ADAMTSL1: variants seen among roughly 807,000 people sequenced by gnomAD.
The protein encoded by ADAMTSL1 is ADAMTS-like protein 1.
ADAMTSL1 carries 126 observed loss-of-function variants against 201.8 expected under a neutral mutation model. The ratio of observed to expected loss-of-function variants is 0.62; its 90% CI spans 0.54 to 0.72. ADAMTSL1 has a LOEUF of 0.72. ADAMTSL1 is among the 30% of genes least tolerant of loss of function. The pLI is 0.00. For synonymous variants in ADAMTSL1, 1,121 were observed against 903.4 expected (o/e 1.24, Z -4.32); for missense variants, 2,679 against 2,277.8 (o/e 1.18, Z -3.59).
intron 2 of ADAMTSL1, among the ~76,000 whole-genome samples, chr9:18,408,269 G>A (rs892794513): frequency 6.6e-6 from 1 of 152,156 alleles, no homozygotes; most frequent in African/African-American, 2.4e-5. Context: ...AGAAGTTTGA[G>A]ACCAACCTGG....
chr9:18,659,870 A>G lies in ADAMTSL1; in HGVS notation c.947-2065A>G, dbSNP rs1227465962. ...CATTATTTTGATATTTTTACTAATG[A>G]CTGGCATAGGAAATAGTTTCAAGGA... On this transcript the variant is annotated intron_variant, in intron 8 of 28. Coordinates refer to ENST00000380548, the MANE Select transcript of ADAMTSL1 (RefSeq NM_001040272.6). 6.6e-5 allele frequency among the ~76,000 whole-genome samples: 10 copies of G among 152,116 alleles called. No individual in the cohort carries two copies. The East Asian group carries it at 1.3e-3, about 21-fold the overall frequency.
intron 15 of ADAMTSL1, chr9:18,723,150 T>A (rs1267795513): frequency 1.4e-6 from 1 of 730,050 alleles, no homozygotes; most frequent in Non-Finnish European, 2.6e-6. Context: ...TGTTTCCACA[T>A]CTGCAAAGTG....
intron 3 of ADAMTSL1, among the ~76,000 whole-genome samples, chr9:18,542,272 A>G (rs1001631053): frequency 3.3e-5 from 5 of 152,194 alleles, no homozygotes; most frequent in African/African-American, 1.2e-4. Context: ...AAGAAAAAAA[A>G]TACCACCTCC....
intron 2 of ADAMTSL1, among the ~76,000 whole-genome samples, chr9:18,294,791 G>A (rs756404382): frequency 2.0e-5 from 3 of 152,152 alleles, no homozygotes; most frequent in Non-Finnish European, 2.9e-5. Flanking sequence ...CCGGTGGAAG[G>A]TGGGTAACTG....
intron 23 of ADAMTSL1, among the ~76,000 whole-genome samples, chr9:18,849,603 C>T (rs934467): frequency 0.35 from 53,397 of 151,958 alleles, 10,603 homozygotes; most frequent in Non-Finnish European, 0.45. Flanking sequence ...GACAGGGATG[C>T]CGGGAAGGGG....
At chr9:18,525,426 TTG>T (rs1355380404) in intron 2 of ADAMTSL1, among the ~76,000 whole-genome samples, 1 of 152,190 alleles carries the variant, frequency 6.6e-6, no homozygotes, top group African/African-American at 2.4e-5. Flanking sequence ...GAAGGGTTTT[TTG>T]TGTGTCTATC....
intron 2 of ADAMTSL1, among the ~76,000 whole-genome samples, chr9:18,211,757 T>C (rs767505732): frequency 1.3e-5 from 2 of 152,262 alleles, no homozygotes; most frequent in Non-Finnish European, 2.9e-5. Context: ...TATATTTATC[T>C]GTTTCCTTTA....
chr9:18,135,856 C>T (rs535707154), intron 1 of ADAMTSL1, among the ~76,000 whole-genome samples: 1 of 152,254 alleles, frequency 6.6e-6, no homozygotes, highest in East Asian at 1.9e-4. Context: ...TACACTGATG[C>T]AGTGCCTTCC....
chr9:18,473,840 T>C (rs1821316634), upstream of ADAMTSL1: 1 of 243,222 alleles, frequency 4.1e-6, no homozygotes, highest in Admixed American at 5.2e-5. Context: ...ACTAACCAGG[T>C]CCATGGGAAG....
chr9:18,607,289 C>T (rs544039307), intron 4 of ADAMTSL1, among the ~76,000 whole-genome samples: 4 of 152,168 alleles, frequency 2.6e-5, no homozygotes, highest in East Asian at 1.9e-4. Context: ...AAAAACAGCC[C>T]GAAGTCTAGG....
chr9:18,807,168 T>C (rs1823186113), intron 20 of ADAMTSL1, among the ~76,000 whole-genome samples: 1 of 152,240 alleles, frequency 6.6e-6, no homozygotes, highest in African/African-American at 2.4e-5. Context: ...TTATTTTTTC[T>C]TCAATTTATA....
intron 2 of ADAMTSL1, among the ~76,000 whole-genome samples, chr9:18,514,954 C>T (rs984285990): frequency 1.3e-5 from 2 of 152,082 alleles, no homozygotes; most frequent in East Asian, 3.8e-4. Flanking sequence ...TCCTTCTATG[C>T]CTAGTTTGAG....
chr9:18,719,598 A>G (rs987053951), intron 14 of ADAMTSL1, among the ~76,000 whole-genome samples: 2 of 152,210 alleles, frequency 1.3e-5, no homozygotes, highest in Admixed American at 1.3e-4. Flanking sequence ...TCCTGACTTC[A>G]GGTCATCCGT....
chr9:17,995,680 G>T (rs1193826258), intron 1 of ADAMTSL1, among the ~76,000 whole-genome samples: 1 of 151,878 alleles, frequency 6.6e-6, no homozygotes. Context: ...TTTAACAGAA[G>T]GCATTCAAGA....
At chr9:18,752,960 C>A (rs1819546739) in intron 15 of ADAMTSL1, among the ~76,000 whole-genome samples, 1 of 152,162 alleles carries the variant, frequency 6.6e-6, no homozygotes. Context: ...GTGCCCAAAG[C>A]CTTTATGTAC....
chr9:18,186,673 A>C (rs1416942112), intron 2 of ADAMTSL1, among the ~76,000 whole-genome samples: 1 of 152,184 alleles, frequency 6.6e-6, no homozygotes, highest in Non-Finnish European at 1.5e-5. Flanking sequence ...CTGTAGGATG[A>C]AAAGTTTGAG....
intron 2 of ADAMTSL1, among the ~76,000 whole-genome samples, chr9:18,335,957 T>C (rs1427445212): frequency 6.6e-6 from 1 of 152,168 alleles, no homozygotes; most frequent in Non-Finnish European, 1.5e-5. Context: ...TCTACAATTT[T>C]ACAGGAGAGA....
chr9:17,956,194 G>C (rs1026776738), intron 1 of ADAMTSL1, among the ~76,000 whole-genome samples: 16 of 152,072 alleles, frequency 1.1e-4, no homozygotes, highest in Admixed American at 2.0e-4. Flanking sequence ...TTTTGAAGTG[G>C]CTGTAAGACC....
chr9:18,518,408 T>G (rs1029059955), intron 2 of ADAMTSL1, among the ~76,000 whole-genome samples: 17 of 152,192 alleles, frequency 1.1e-4, no homozygotes, highest in South Asian at 2.1e-4. Flanking sequence ...GGTATTTGAT[T>G]TTCTGCTTCT....
Sources: gnomAD v4.1 joint callset for allele counts (sites outside exome capture counted in the v4.1 genomes callset) on GRCh38, gnomAD v4.1.1 for gene constraint, MANE v1.5 for transcripts, NCBI Gene and HGNC (gene_info 2026-07-23, HGNC 2026-07-21) for gene names.